Variants in TRPM8 observed in about 807,000 individuals in gnomAD.
TRPM8 encodes the protein TRPM8 cationic channel.
Under a neutral mutation model 133.7 loss-of-function variants are expected in TRPM8, and 110 were observed. The observed-to-expected ratio is 0.82, with a 90% CI of 0.70 to 0.96. The LOEUF (loss-of-function observed/expected upper bound fraction) is 0.96, where lower values mean the gene tolerates loss of function less well. Among genes scored for constraint, TRPM8 ranks in the 40% least tolerant of loss-of-function variants. The pLI is 0.00. For synonymous variants in TRPM8, 535 were observed against 532.3 expected (o/e 1.01, Z -0.07); for missense variants, 1,291 against 1,379.5 (o/e 0.94, Z 1.02).
chr2:233,951,460 A>T (rs1691171102), intron 9 of TRPM8, among the ~76,000 whole-genome samples: 1 of 152,158 alleles, frequency 6.6e-6, no homozygotes, highest in Non-Finnish European at 1.5e-5. Flanking sequence ...CACTTCAGTG[A>T]CCTTCCTCTT....
chr2:234,012,948 C>T (rs536288546), intron 24 of TRPM8, among the ~76,000 whole-genome samples: 65 of 152,114 alleles, frequency 4.3e-4, no homozygotes, highest in African/African-American at 1.4e-3. Context: ...TTGAACCACC[C>T]TTGCATCCCA....
At chr2:233,973,097 C>A (rs1691773848) in intron 17 of TRPM8, among the ~76,000 whole-genome samples, 1 of 152,224 alleles carries the variant, frequency 6.6e-6, no homozygotes, top group African/African-American at 2.4e-5. Flanking sequence ...CACCTACCAG[C>A]AATTCTTGCC....
chr2:233,924,564 C>CAG (rs796820208), intron 1 of TRPM8, among the ~76,000 whole-genome samples: 111 of 152,266 alleles, frequency 7.3e-4, no homozygotes, highest in African/African-American at 2.6e-3. Flanking sequence ...TGCCAAGACC[C>CAG]AGTCAACCAA....
In TRPM8 at chr2:233,985,653, G is replaced by A. The variant is rs147442932; in HGVS notation, c.2762-35G>A. ...GCCATCGCTCTCACCCCTCCAGAGG[G>A]TCCTCACTTTGCCTGTTGGTTTCTA... is the stretch of plus-strand genomic sequence containing the variant. On this transcript the variant is annotated intron_variant, in intron 20 of 25. Transcript: ENST00000324695. The A allele has an allele frequency of 1.7e-4, 276 of 1,603,826 alleles. No homozygotes were observed. The African/African-American group carries it at 3.2e-3, about 18-fold the overall frequency.
At chr2:233,931,258 T>C (rs1691674505) in intron 3 of TRPM8, among the ~76,000 whole-genome samples, 1 of 152,224 alleles carries the variant, frequency 6.6e-6, no homozygotes, top group Non-Finnish European at 1.5e-5. Flanking sequence ...TCAATAACTG[T>C]TGATGAGCAA....
At chr2:234,004,604 T>C (rs549890218) in intron 22 of TRPM8, among the ~76,000 whole-genome samples, 1 of 152,376 alleles carries the variant, frequency 6.6e-6, no homozygotes, top group East Asian at 1.9e-4. Context: ...TGGTACTTTT[T>C]TTGGTGACAT....
At chr2:233,928,030 C>T (rs1417022860) in intron 2 of TRPM8, among the ~76,000 whole-genome samples, 6 of 143,736 alleles carry the variant, frequency 4.2e-5, no homozygotes, top group South Asian at 4.4e-4. Flanking sequence ...AGTGCAGTGG[C>T]GAGATCTCGG....
At chr2:233,978,613 T>C (rs1339797038) in intron 17 of TRPM8, among the ~76,000 whole-genome samples, 1 of 152,252 alleles carries the variant, frequency 6.6e-6, no homozygotes, top group Non-Finnish European at 1.5e-5. Context: ...GACATCACTC[T>C]GTTCCTTTTT....
chr2:233,927,710 CTTTCTTTCTTTCTTTCTTT>C lies in TRPM8; in HGVS notation c.117+1057_117+1075del, dbSNP rs1559515876. ...GAGCCCTGGAAGACAGAGTCTGTCT[CTTTCTTTCTTTCTTTCTTT>C]CTTTCTTTCTTTCTTTCTTTCTTTC... On this transcript the variant is annotated intron_variant, in intron 2 of 25. Transcript: ENST00000324695. 5.2e-4 allele frequency among the ~76,000 whole-genome samples: 7 copies of C among 13,548 alleles called. No homozygotes were observed. In the East Asian group the frequency reaches 0.015, roughly 30 times the overall value. 8.9% of individuals were successfully genotyped at this position (13,548 alleles called of 152,430 possible).
chr2:234,000,804 G>A (rs376540950), intron 22 of TRPM8, among the ~76,000 whole-genome samples: 2 of 151,886 alleles, frequency 1.3e-5, no homozygotes, highest in East Asian at 1.9e-4. Flanking sequence ...TCAGGATCCC[G>A]AGTAGCTGGG....
chr2:233,947,485 G>T (rs1574712095), intron 8 of TRPM8: 2 of 1,332,268 alleles, frequency 1.5e-6, no homozygotes, highest in East Asian at 9.6e-5. Flanking sequence ...CAACCTATCT[G>T]CATTGAGATG....
intron 14 of TRPM8, among the ~76,000 whole-genome samples, chr2:233,965,060 G>GCA (rs1691533695): frequency 1.4e-5 from 2 of 147,758 alleles, no homozygotes; most frequent in African/African-American, 4.8e-5. Flanking sequence ...TTGTGGGGGG[G>GCA]GGGGGTGTTT....
At position 234,017,987 on chromosome 2, in the gene TRPM8, T is replaced by TTATC; in HGVS notation, c.*731_*732insTATC. The TTATC allele has an allele frequency of 6.6e-6, 1 of 151,984 alleles. No individual in the cohort carries two copies. The highest frequency in any genetic ancestry group is 2.1e-4 in the South Asian group (1 of 4,814). 9.4% of individuals were successfully genotyped at this position (151,984 alleles called of 1,614,324 possible). A position where few individuals can be genotyped will look rare whatever the true frequency, so the allele number is the denominator to read the frequency against. ...TGTTCTTATTGGATACTCCTCTTAT[T>TTATC]ATTTTTCCATTAAAAATAATAGCTG... On this transcript the variant is annotated 3_prime_UTR_variant, in exon 26 of 26. Coordinates refer to ENST00000324695, the MANE Select transcript of TRPM8 (RefSeq NM_024080.5).
At chr2:233,982,515 A>G (rs752925877) in intron 19 of TRPM8, among the ~76,000 whole-genome samples, 6 of 152,146 alleles carry the variant, frequency 3.9e-5, no homozygotes, top group Non-Finnish European at 8.8e-5. Flanking sequence ...CCATTCCAAC[A>G]CTGAGGTTCT....
chr2:233,974,510 G>A (rs1159500776), intron 17 of TRPM8, among the ~76,000 whole-genome samples: 3 of 152,220 alleles, frequency 2.0e-5, no homozygotes, highest in Admixed American at 1.3e-4. Flanking sequence ...GGGATTATAG[G>A]TGTGAGCCAC....
In TRPM8 at chr2:233,981,791, A is replaced by G; in HGVS notation, c.2465A>G (p.Lys822Arg). ...GIVFRLHSSN[K>R]SSLYSGRVIF... ...CCCCCTAGGCTCCACTCTTCTAATAAAAGCTCTTTGTATTCTGGACGAGTC... is the reference window on the plus strand; with the variant it reads ...CCCCCTAGGCTCCACTCTTCTAATAGAAGCTCTTTGTATTCTGGACGAGTC... Residue 822 changes from lysine (K) to arginine (R), a missense_variant, in exon 19 of 26, where the codon AAA (lysine) becomes AGA (arginine). Lys to Arg is a conservative substitution (Grantham distance 26, BLOSUM62 2). Transcript: ENST00000324695. The G allele has an allele frequency of 6.2e-7, 1 of 1,611,452 alleles. No homozygotes were observed. Among genetic ancestry groups the G allele is most frequent in the Non-Finnish European group, 8.5e-7 (1 of 1,179,170 alleles).
At chr2:233,985,619 C>T in intron 20 of TRPM8, 69 bp from the exon 21 acceptor site, 4 of 1,450,920 alleles carry the variant, frequency 2.8e-6, no homozygotes, top group Non-Finnish European at 3.8e-6. Context: ...TTCTTGTGGC[C>T]CTGGGAATGC....
At chr2:233,918,474 G>C (rs543850072) in intron 1 of TRPM8, among the ~76,000 whole-genome samples, 16 of 152,110 alleles carry the variant, frequency 1.1e-4, no homozygotes, top group Middle Eastern at 3.4e-3. Flanking sequence ...GCTGCATAGG[G>C]ACCCCTGCTT....
intron 14 of TRPM8, among the ~76,000 whole-genome samples, chr2:233,965,617 T>C (rs1209903202): frequency 6.6e-6 from 1 of 152,220 alleles, no homozygotes; most frequent in Admixed American, 6.5e-5. Flanking sequence ...GTTTGTCTAG[T>C]GTCTTATCAA....
Sources: gnomAD v4.1 joint callset for allele counts (sites outside exome capture counted in the v4.1 genomes callset) on GRCh38, gnomAD v4.1.1 for gene constraint, MANE v1.5 for transcripts, NCBI Gene and HGNC (gene_info 2026-07-23, HGNC 2026-07-21) for gene names.